The following DGKB variants were observed in gnomAD, a reference collection of about 807,000 sequenced individuals.
DGKB encodes the protein 90 kDa diacylglycerol kinase.
In DGKB, 67 loss-of-function variants were observed where a neutral mutation model predicts 114.3. That is an observed-to-expected ratio of 0.59 (90% CI 0.48 to 0.72). DGKB has a LOEUF of 0.72. Ranked by LOEUF, DGKB falls within the 30% of genes least tolerant of loss-of-function variation. The probability of loss-of-function intolerance (pLI) is 0.00; values close to 1 mark genes in which losing one functional copy is unlikely to be tolerated. For synonymous variants in DGKB, 398 were observed against 323.1 expected (o/e 1.23, Z -2.49); for missense variants, 907 against 975.2 (o/e 0.93, Z 0.93).
rs142853072 is a variant in DGKB at position 14,829,389 on chromosome 7, G to A, written c.70+11805C>T. The stretch of plus-strand genomic sequence containing the variant: ...CAGATATCTCAGCCTACAGGCTGTC[G>A]GGAAAAGAAGTCACACACAAAGTAT... On this transcript the variant is annotated intron_variant, in intron 2 of 25. Transcript: ENST00000402815. Among the ~76,000 whole-genome samples the A allele has an allele frequency of 5.2e-3, 784 of 152,204 alleles. 9 individuals are homozygous for A. The highest frequency in any genetic ancestry group is 0.018 in the African/African-American group (737 of 41,532).
intron 1 of DGKB, among the ~76,000 whole-genome samples, chr7:14,948,099 CA>C (rs959266973): frequency 5.6e-4 from 85 of 151,720 alleles, no homozygotes; most frequent in African/African-American, 2.0e-3. Context: ...GCCGTATCAA[CA>C]AAAGCAAACA....
chr7:14,622,368 C>G (rs1193036118), intron 14 of DGKB, among the ~76,000 whole-genome samples: 1 of 152,058 alleles, frequency 6.6e-6, no homozygotes, highest in Non-Finnish European at 1.5e-5. Flanking sequence ...CTCATCATCT[C>G]TATCTACCCT....
intron 23 of DGKB, among the ~76,000 whole-genome samples, chr7:14,285,558 C>G (rs558694170): frequency 3.3e-5 from 5 of 152,190 alleles, no homozygotes; most frequent in African/African-American, 9.7e-5. Context: ...GAAAGTCTCA[C>G]AGACTACTTC....
At chr7:14,554,250 G>C (rs1024315866) in intron 20 of DGKB, among the ~76,000 whole-genome samples, 1 of 152,106 alleles carries the variant, frequency 6.6e-6, no homozygotes, top group African/African-American at 2.4e-5. Flanking sequence ...CATTTCTTGA[G>C]CACTACTGTT....
intron 20 of DGKB, among the ~76,000 whole-genome samples, chr7:14,494,350 T>C (rs572123574): frequency 6.6e-6 from 1 of 152,030 alleles, no homozygotes; most frequent in Non-Finnish European, 1.5e-5. Context: ...TTTAGATGCC[T>C]AACAAAATGT....
intron 23 of DGKB, among the ~76,000 whole-genome samples, chr7:14,246,679 C>T (rs1794526399): frequency 6.6e-6 from 1 of 152,104 alleles, no homozygotes; most frequent in Admixed American, 6.6e-5. Flanking sequence ...ATCACCCCTC[C>T]AGCTTTATTG....
rs1397090133 is a variant in DGKB at position 14,698,087 on chromosome 7, A to G, written c.591+8T>C. 8 of 1,495,376 alleles carry G rather than the reference A, an allele frequency of 5.3e-6. No homozygotes were observed. The highest frequency in any genetic ancestry group is 7.3e-6 in the Non-Finnish European group (8 of 1,096,392). 92.6% of individuals were successfully genotyped at this position (1,495,376 alleles called of 1,614,324 possible). On this transcript the variant is annotated splice_region_variant and intron_variant, in intron 8 of 25. Coordinates refer to ENST00000402815, the MANE Select transcript of DGKB (RefSeq NM_001350709.2). ...TTTAGCCAATAGTGAAATCATTCAT[A>G]TACCTACTGGATTAAGTTCAGTGAC...
intron 25 of DGKB, among the ~76,000 whole-genome samples, chr7:14,164,885 C>T (rs1784403868): frequency 6.6e-6 from 1 of 152,076 alleles, no homozygotes; most frequent in Non-Finnish European, 1.5e-5. Context: ...CTTAATATCA[C>T]TAAATGTGAT....
chr7:14,653,958 T>C (rs534525614), intron 13 of DGKB, among the ~76,000 whole-genome samples: 1 of 151,892 alleles, frequency 6.6e-6, no homozygotes, highest in South Asian at 2.1e-4. Context: ...TAAAGCATTT[T>C]CTACAAGAAC....
At chr7:14,723,914 G>A (rs1430187682) in intron 5 of DGKB, among the ~76,000 whole-genome samples, 1 of 152,090 alleles carries the variant, frequency 6.6e-6, no homozygotes, top group African/African-American at 2.4e-5. Context: ...CTCAAAAGTT[G>A]TATTTAATAG....
intron 1 of DGKB, among the ~76,000 whole-genome samples, chr7:14,958,215 A>G (rs1003500286): frequency 6.6e-6 from 1 of 152,002 alleles, no homozygotes; most frequent in African/African-American, 2.4e-5. Flanking sequence ...TAGTTTTTCT[A>G]AGAGCTGCAA....
At chr7:14,787,528 C>A (rs183224992) in intron 2 of DGKB, among the ~76,000 whole-genome samples, 1 of 152,256 alleles carries the variant, frequency 6.6e-6, no homozygotes, top group East Asian at 1.9e-4. Flanking sequence ...TCACCACTGA[C>A]AGAGGCCAAG....
intron 7 of DGKB, among the ~76,000 whole-genome samples, chr7:14,700,902 A>G (rs1585781624): frequency 6.6e-6 from 1 of 152,200 alleles, no homozygotes; most frequent in Non-Finnish European, 1.5e-5. Context: ...TTGATAGAAC[A>G]AGAAATAATA....
chr7:14,798,433 A>T (rs2128041181), intron 2 of DGKB, among the ~76,000 whole-genome samples: 1 of 144,810 alleles, frequency 6.9e-6, no homozygotes, highest in East Asian at 2.0e-4. Flanking sequence ...GATGAGTATA[A>T]AAGTGTCCAC....
At chr7:14,942,943 T>A (rs1456177263) in intron 1 of DGKB, among the ~76,000 whole-genome samples, 3 of 151,954 alleles carry the variant, frequency 2.0e-5, no homozygotes, top group African/African-American at 7.2e-5. Context: ...TTTCATTTGC[T>A]CATTGTCTGT....
At chr7:14,537,696 A>G (rs2128610159) in intron 20 of DGKB, among the ~76,000 whole-genome samples, 1 of 152,352 alleles carries the variant, frequency 6.6e-6, no homozygotes, top group South Asian at 2.1e-4. Context: ...CTTTCAGAAG[A>G]AAACATAGGT....
intron 4 of DGKB, among the ~76,000 whole-genome samples, chr7:14,746,674 T>C (rs900664915): frequency 6.6e-6 from 1 of 152,038 alleles, no homozygotes; most frequent in East Asian, 1.9e-4. Flanking sequence ...AATTTTTGTA[T>C]TTTTAGTAGA....
chr7:14,225,782 C>G (rs1790713774), intron 23 of DGKB, among the ~76,000 whole-genome samples: 1 of 151,792 alleles, frequency 6.6e-6, no homozygotes, highest in Admixed American at 6.6e-5. Flanking sequence ...ACTTTGTCTA[C>G]CACACAAAGG....
At chr7:14,435,275 T>C (rs1331745943) in intron 21 of DGKB, among the ~76,000 whole-genome samples, 2 of 152,066 alleles carry the variant, frequency 1.3e-5, no homozygotes, top group Admixed American at 6.6e-5. Flanking sequence ...CATTGATTCA[T>C]CAAAATAGAA....
Sources: allele counts gnomAD v4.1 joint callset (sites outside exome capture counted in the v4.1 genomes callset), GRCh38; gene constraint gnomAD v4.1.1; transcripts MANE v1.5; gene names NCBI Gene and HGNC (gene_info 2026-07-23, HGNC 2026-07-21).